The following DESI2 variants were observed in gnomAD, a reference collection of about 807,000 sequenced individuals.
DESI2 encodes deubiquitinase DESI2.
In DESI2, 10 loss-of-function variants were observed where a neutral mutation model predicts 24.1. That is an observed-to-expected ratio of 0.41 (90% CI 0.26 to 0.70). The LOEUF is 0.70. Among genes scored for constraint, DESI2 ranks in the 30% least tolerant of loss-of-function variants. The probability of loss-of-function intolerance (pLI) is 0.29; values close to 1 mark genes in which losing one functional copy is unlikely to be tolerated. For missense variants in DESI2, 122 were observed against 234.9 expected, an observed-to-expected ratio of 0.52 and a Z score of 3.14; for synonymous variants, 71 against 87.7, an observed-to-expected ratio of 0.81 and a Z score of 1.06.
intron 4 of DESI2, among the ~76,000 whole-genome samples, chr1:244,702,564 T>TTTTA (rs1677510118): frequency 6.6e-6 from 1 of 151,740 alleles, no homozygotes; most frequent in Non-Finnish European, 1.5e-5. Context: ...ATTGGTACAC[T>TTTTA]TTTATTTGAA....
Position 244,661,942 on chromosome 1 carries a change from G to T in DESI2, c.42+8587G>T, listed in dbSNP as rs574846350. Among the ~76,000 whole-genome samples, 4 of 152,312 alleles carry T rather than the reference G, an allele frequency of 2.6e-5. No individual in the cohort carries two copies. In the East Asian group the frequency reaches 5.8e-4, roughly 22 times the overall value. On this transcript the variant is annotated intron_variant, in intron 1 of 4. Coordinates refer to ENST00000302550, the MANE Select transcript of DESI2 (RefSeq NM_016076.5). ...ACATACCCAGTAATGGGATGGCTGG[G>T]TCAAATGGTATTTCTAGTTCTAGAT...
rs556270461 is a variant in DESI2 at position 244,703,865 on chromosome 1, A to G, written c.352-1691A>G. On this transcript the variant is annotated intron_variant, in intron 4 of 4. Coordinates refer to ENST00000302550, the MANE Select transcript of DESI2 (RefSeq NM_016076.5). ...AGTAGAGATGGGGTTTCACTGTGTT[A>G]GCCAGGATGGTCTCGATCTCCTGAC... Among the ~76,000 whole-genome samples the G allele has an allele frequency of 3.9e-5, 6 of 152,108 alleles. No individual in the cohort carries two copies. The South Asian group carries it at 6.2e-4, about 16-fold the overall frequency.
At chr1:244,701,430 G>A (rs959192738) in intron 4 of DESI2, among the ~76,000 whole-genome samples, 1 of 152,138 alleles carries the variant, frequency 6.6e-6, no homozygotes, top group Admixed American at 6.6e-5. Flanking sequence ...AACACTGCCA[G>A]CTTGGACTGA....
intron 1 of DESI2, chr1:244,653,556 C>A: frequency 3.6e-6 from 2 of 561,320 alleles, no homozygotes; most frequent in Non-Finnish European, 3.0e-6. Flanking sequence ...ACCCAGTCAG[C>A]CCGAGGGTTT....
At chr1:244,675,194 T>C (rs547302797) in intron 1 of DESI2, among the ~76,000 whole-genome samples, 2 of 152,310 alleles carry the variant, frequency 1.3e-5, no homozygotes, top group Admixed American at 6.5e-5. Context: ...ATTCTACATA[T>C]AAGTCCCTTG....
intron 2 of DESI2, 48 bp downstream of exon 2, chr1:244,686,717 TAAAAG>T: frequency 7.9e-7 from 1 of 1,263,794 alleles, no homozygotes; most frequent in Non-Finnish European, 1.2e-6. Context: ...TTTTGTACTT[TAAAAG>T]AGTTGCAAAA....
intron 4 of DESI2, 41 bp downstream of exon 4, chr1:244,692,061 T>G: frequency 6.6e-7 from 1 of 1,519,868 alleles, no homozygotes; most frequent in Non-Finnish European, 8.9e-7. Context: ...AAATAAATAT[T>G]TGCTATCCCA....
intron 4 of DESI2, among the ~76,000 whole-genome samples, chr1:244,703,383 T>C (rs1391023697): frequency 6.6e-6 from 1 of 152,056 alleles, no homozygotes; most frequent in Non-Finnish European, 1.5e-5. Flanking sequence ...TGAGATGGAA[T>C]CTCACTTTGT....
intron 4 of DESI2, among the ~76,000 whole-genome samples, chr1:244,701,935 T>C (rs911079856): frequency 6.6e-6 from 1 of 151,984 alleles, no homozygotes; most frequent in Non-Finnish European, 1.5e-5. Flanking sequence ...ACCCTGTACA[T>C]ACATCTTTTT....
At chr1:244,696,424 C>T (rs1029292709) in intron 4 of DESI2, among the ~76,000 whole-genome samples, 1 of 152,036 alleles carries the variant, frequency 6.6e-6, no homozygotes, top group Non-Finnish European at 1.5e-5. Flanking sequence ...AAGTTCAAGA[C>T]GAGCTTGGGC....
chr1:244,653,420 C>A, intron 1 of DESI2, 65 bp downstream of exon 1: 1 of 1,484,878 alleles, frequency 6.7e-7, no homozygotes, highest in Non-Finnish European at 9.0e-7. Flanking sequence ...CCGTGGGGCT[C>A]GGACCCCGGC....
chr1:244,692,166 G>T, intron 4 of DESI2, 146 bp downstream of exon 4: 1 of 716,002 alleles, frequency 1.4e-6, no homozygotes. Context: ...AATCTTGTAT[G>T]AATGACCTTT....
At chr1:244,657,391 C>G (rs548734945) in intron 1 of DESI2, among the ~76,000 whole-genome samples, 2 of 152,334 alleles carry the variant, frequency 1.3e-5, no homozygotes, top group Non-Finnish European at 2.9e-5. Context: ...GTCCACAGCG[C>G]ACATTCTTCC....
At chr1:244,654,085 A>G (rs1485997755) in intron 1 of DESI2, 2 of 465,348 alleles carry the variant, frequency 4.3e-6, no homozygotes, top group South Asian at 1.6e-5. Context: ...TTATTGTATC[A>G]TCTAACTTTG....
In DESI2 at chr1:244,698,064, C is replaced by T. The variant is rs551718315; in HGVS notation, c.351+6044C>T. Among the ~76,000 whole-genome samples the T allele has an allele frequency of 3.9e-5, 6 of 152,236 alleles. No individual in the cohort carries two copies. In the South Asian group the frequency reaches 8.3e-4, roughly 21 times the overall value. On this transcript the variant is annotated intron_variant, in intron 4 of 4. Transcript: ENST00000302550. The stretch of plus-strand genomic sequence containing the variant: ...AAGGTGCCGGGCCAGGGTGGGGTAG[C>T]GGGGGCAGTTAATGGCCTTGTATTT...
chr1:244,682,153 A>C lies in DESI2; in HGVS notation c.43-4444A>C, dbSNP rs554156721. 1.2e-4 allele frequency among the ~76,000 whole-genome samples: 19 copies of C among 152,328 alleles called. No homozygotes were observed. In the South Asian group the frequency reaches 3.9e-3, roughly 32 times the overall value. On this transcript the variant is annotated intron_variant, in intron 1 of 4. Coordinates refer to ENST00000302550, the MANE Select transcript of DESI2 (RefSeq NM_016076.5). Reference sequence around the variant, plus strand: ...TGAAGAGCAAAAGAACAAAGCTTCCACAGCGTGGAAGGGGACCTGAGCAGG... The same window carrying C: ...TGAAGAGCAAAAGAACAAAGCTTCCCCAGCGTGGAAGGGGACCTGAGCAGG...
Position 244,707,468 on chromosome 1 carries a change from A to C in DESI2, c.*1679A>C, listed in dbSNP as rs1337505194. 2 of 152,600 alleles carry C rather than the reference A, an allele frequency of 1.3e-5. No homozygotes were observed. The highest frequency in any genetic ancestry group is 3.8e-4 in the East Asian group (2 of 5,198). 9.5% of individuals were successfully genotyped at this position (152,600 alleles called of 1,614,324 possible). A position where few individuals can be genotyped will look rare whatever the true frequency, so the allele number is the denominator to read the frequency against. On this transcript the variant is annotated 3_prime_UTR_variant, in exon 5 of 5. Coordinates refer to ENST00000302550, the MANE Select transcript of DESI2 (RefSeq NM_016076.5). ...TCTTTAGGGGCAGAAGGCTTGTTTC[A>C]AGAGGTTTGACAGAAGAAAGGAATA...
At chr1:244,681,242 T>C (rs1676601871) in intron 1 of DESI2, among the ~76,000 whole-genome samples, 1 of 152,198 alleles carries the variant, frequency 6.6e-6, no homozygotes, top group Non-Finnish European at 1.5e-5. Flanking sequence ...TCTACTTCAG[T>C]GGGCAAGCTA....
chr1:244,705,503 AC>A lies in DESI2; in HGVS notation c.352-51del, dbSNP rs200355784. On this transcript the variant is annotated intron_variant, in intron 4 of 4. Transcript: ENST00000302550. Reference sequence around the variant, plus strand: ...CCCACCCTCCACTCCCTGGCAGTGGACCAGGTAATCTTAACCTCTCTTACCT... The same window carrying A: ...CCCACCCTCCACTCCCTGGCAGTGGACAGGTAATCTTAACCTCTCTTACCT... 1,438 of 1,470,386 alleles carry A rather than the reference AC, an allele frequency of 9.8e-4. 32 individuals carry two copies. The East Asian group carries it at 0.03, about 30-fold the overall frequency. 91.1% of individuals were successfully genotyped at this position (1,470,386 alleles called of 1,614,324 possible).
Sources: allele counts gnomAD v4.1 joint callset (sites outside exome capture counted in the v4.1 genomes callset), GRCh38; gene constraint gnomAD v4.1.1; transcripts MANE v1.5; gene names NCBI Gene and HGNC (gene_info 2026-07-23, HGNC 2026-07-21).